FGD6: variants seen among roughly 807,000 people sequenced by gnomAD.
The protein encoded by FGD6 is FYVE, RhoGEF and PH domain-containing protein 6.
FGD6 carries 90 observed loss-of-function variants against 149.4 expected under a neutral mutation model. The ratio of observed to expected loss-of-function variants is 0.60; its 90% CI spans 0.51 to 0.72. FGD6 has a LOEUF of 0.72. Among genes scored for constraint, FGD6 ranks in the 30% least tolerant of loss-of-function variants. The pLI is 0.00. For synonymous variants in FGD6, 527 were observed against 584.0 expected, an observed-to-expected ratio of 0.90 and a Z score of 1.41; for missense variants, 1,437 against 1,684.8, an observed-to-expected ratio of 0.85 and a Z score of 2.57.
chr12:95,205,104 C>CA (rs1477441107), intron 2 of FGD6, among the ~76,000 whole-genome samples: 2 of 151,820 alleles, frequency 1.3e-5, no homozygotes, highest in Admixed American at 1.3e-4. Context: ...CCCATCTCTA[C>CA]AAAAAATACA....
chr12:95,202,032 A>G (rs559311511), intron 2 of FGD6, among the ~76,000 whole-genome samples: 1 of 151,208 alleles, frequency 6.6e-6, no homozygotes, highest in East Asian at 1.9e-4. Flanking sequence ...TGTAGTCTAT[A>G]TTTTTTTCTT....
intron 18 of FGD6, among the ~76,000 whole-genome samples, chr12:95,088,456 T>G (rs1281941430): frequency 6.6e-6 from 1 of 152,226 alleles, no homozygotes; most frequent in African/African-American, 2.4e-5. Context: ...AGGCTCTAAA[T>G]GTAATTCTAA....
chr12:95,211,220 T>A lies in FGD6; in HGVS notation c.64A>T (p.Asn22Tyr), dbSNP rs966267459. ...VAPKPKFVVA[N>Y]NKPAPPPIAP... ...ATAGGAGGTGGGGCTGGCTTATTAT[T>A]TGCCACAACAAACTTGGGCTTGGGG... The change falls in exon 2 of 21, where the codon AAT (asparagine) becomes TAT (tyrosine). Residue 22 changes from asparagine to tyrosine, a missense_variant. Around this residue, in one of 2 missense-constraint regions of FGD6, gnomAD observed 1,055 missense variants for 1,146.0 expected, o/e 0.92. Transcript: ENST00000343958. 2 of 1,607,932 alleles carry A rather than the reference T, an allele frequency of 1.2e-6. No individual in the cohort carries two copies. The highest frequency in any genetic ancestry group is 1.3e-5 in the African/African-American group (1 of 74,798).
intron 14 of FGD6, among the ~76,000 whole-genome samples, chr12:95,103,611 T>G (rs971305419): frequency 6.6e-6 from 1 of 152,224 alleles, no homozygotes; most frequent in Non-Finnish European, 1.5e-5. Context: ...CTCGGTTCAC[T>G]GCAACCTCCA....
intron 2 of FGD6, among the ~76,000 whole-genome samples, chr12:95,202,045 A>C (rs75362872): frequency 1.5e-4 from 23 of 150,442 alleles, no homozygotes; most frequent in Admixed American, 7.3e-4. Context: ...TTTTTCTTCT[A>C]TCTCTAAAAA....
chr12:95,156,495 C>A (rs1259561445), intron 3 of FGD6, among the ~76,000 whole-genome samples: 4 of 152,186 alleles, frequency 2.6e-5, no homozygotes, highest in Non-Finnish European at 5.9e-5. Context: ...TGCTCTCAAA[C>A]CCTGTCTCCT....
At chr12:95,186,537 G>T (rs79528119) in intron 2 of FGD6, among the ~76,000 whole-genome samples, 3 of 122,514 alleles carry the variant, frequency 2.4e-5, no homozygotes, top group African/African-American at 9.2e-5. Context: ...AAAAAAAAAA[G>T]AACAATATTT....
rs1326895623 is a variant in FGD6, at chr12:95,099,243, C to T, written c.3498-4549G>A. 5.3e-5 allele frequency among the ~76,000 whole-genome samples: 8 copies of T among 152,176 alleles called. No homozygotes were observed. In the East Asian group the frequency reaches 1.5e-3, roughly 29 times the overall value. ...CACAATGCCTGGCCCAAGGTAGAGGCTCCATATTCCTTACTGAACGAAGGG... is the reference window on the plus strand; with the variant it reads ...CACAATGCCTGGCCCAAGGTAGAGGTTCCATATTCCTTACTGAACGAAGGG... On this transcript the variant is annotated intron_variant, in intron 14 of 20. Coordinates refer to ENST00000343958, the MANE Select transcript of FGD6 (RefSeq NM_018351.4).
At chr12:95,092,894 T>C in intron 15 of FGD6, 49 bp from the exon 16 acceptor site, 1 of 1,555,436 alleles carries the variant, frequency 6.4e-7, no homozygotes, top group Non-Finnish European at 8.7e-7. Flanking sequence ...ACTGCCTGCC[T>C]TTTTATTCGG....
intron 2 of FGD6, among the ~76,000 whole-genome samples, chr12:95,187,132 C>A (rs1881459335): frequency 6.9e-6 from 1 of 145,448 alleles, no homozygotes; most frequent in South Asian, 2.2e-4. Flanking sequence ...GAGATCGAGA[C>A]CATCCTGGCT....
At chr12:95,208,704 T>C (rs1345252481) in intron 2 of FGD6, 139 bp downstream of exon 2, 6 of 998,512 alleles carry the variant, frequency 6.0e-6, no homozygotes, top group Non-Finnish European at 8.6e-6. Context: ...AAAAGGAGGC[T>C]GCACTTGAGA....
In FGD6 at chr12:95,209,556, A is replaced by T; in HGVS notation, c.1728T>A (p.Phe576Leu). 6.2e-7 allele frequency: 1 copy of T among 1,614,116 alleles called. No individual in the cohort carries two copies. The highest frequency in any genetic ancestry group is 8.5e-7 in the Non-Finnish European group (1 of 1,180,022). ...VWKLPHPILPFSGNPEFLKSV... is the reference protein window; with the variant it reads ...VWKLPHPILPLSGNPEFLKSV... ...ACTTTAAGAATTCTGGGTTCCCTGA[A>T]AAGGGTAAAATAGGATGAGGTAACT... Residue 576 changes from phenylalanine to leucine, a missense_variant, in exon 2 of 21, where the codon TTT becomes TTA. Around this residue, in one of 2 missense-constraint regions of FGD6, gnomAD observed 1,055 missense variants for 1,146.0 expected, o/e 0.92. Coordinates refer to ENST00000343958, the MANE Select transcript of FGD6 (RefSeq NM_018351.4).
At chr12:95,142,476 C>T (rs962958295) in intron 5 of FGD6, among the ~76,000 whole-genome samples, 2 of 152,120 alleles carry the variant, frequency 1.3e-5, no homozygotes, top group Non-Finnish European at 2.9e-5. Context: ...CAAGGTTTCA[C>T]CTTGTTGCCC....
intron 8 of FGD6, among the ~76,000 whole-genome samples, chr12:95,127,230 C>T (rs995999807): frequency 1.3e-5 from 2 of 151,412 alleles, no homozygotes; most frequent in Non-Finnish European, 1.5e-5. Flanking sequence ...AGAAGTTTTC[C>T]GTAAGGGTTT....
chr12:95,189,128 T>C (rs934902860), intron 2 of FGD6: 7 of 152,154 alleles, frequency 4.6e-5, no homozygotes, highest in African/African-American at 1.7e-4. Flanking sequence ...GAAGCTTCTA[T>C]ACACCCCCAC....
At chr12:95,173,387 G>A (rs937383344) in intron 2 of FGD6, among the ~76,000 whole-genome samples, 3 of 152,172 alleles carry the variant, frequency 2.0e-5, no homozygotes, top group African/African-American at 7.2e-5. Flanking sequence ...AACTACCTGG[G>A]GCACAGGGCC....
intron 8 of FGD6, among the ~76,000 whole-genome samples, chr12:95,132,263 G>A (rs768400082): frequency 1.1e-4 from 16 of 152,096 alleles, no homozygotes; most frequent in Middle Eastern, 6.8e-3. Context: ...CAATCCTCCC[G>A]GCTCAGCCTC....
intron 14 of FGD6, 88 bp from the exon 15 acceptor site, chr12:95,094,782 C>T: frequency 1.1e-6 from 1 of 906,782 alleles, no homozygotes; most frequent in Non-Finnish European, 1.8e-6. Flanking sequence ...GCAACAGATC[C>T]CACCACCCTC....
chr12:95,084,703 T>C, intron 19 of FGD6, 57 bp from the exon 20 acceptor site: 2 of 1,407,714 alleles, frequency 1.4e-6, no homozygotes, highest in South Asian at 1.5e-5. Flanking sequence ...AAATTCAGAT[T>C]TGAAAACTCT....
Sources: allele counts gnomAD v4.1 joint callset (sites outside exome capture counted in the v4.1 genomes callset), GRCh38; gene constraint gnomAD v4.1.1; regional missense constraint gnomAD v4.1.1; transcripts MANE v1.5; gene names NCBI Gene and HGNC (gene_info 2026-07-23, HGNC 2026-07-21).